XDH: variants seen among roughly 807,000 people sequenced by gnomAD.
The protein encoded by XDH is xanthine dehydrogenase/oxidase.
A neutral mutation model predicts 156.1 loss-of-function variants in XDH; 138 were observed. The observed-to-expected ratio is 0.88, with a 90% confidence interval of 0.77 to 1.02. XDH has a LOEUF of 1.02. Among genes scored for constraint, XDH ranks in the 50% least tolerant of loss-of-function variants. The pLI is 0.00. For synonymous variants in XDH, 669 were observed against 625.7 expected, an observed-to-expected ratio of 1.07 and a Z score of -1.03; for missense variants, 1,849 against 1,684.9, an observed-to-expected ratio of 1.10 and a Z score of -1.71.
At chr2:31,343,956 A>T (rs1455146955) in intron 31 of XDH, among the ~76,000 whole-genome samples, 2 of 152,010 alleles carry the variant, frequency 1.3e-5, no homozygotes, top group African/African-American at 4.8e-5. Context: ...ACATTGAATT[A>T]TTTTCCAAAT....
chr2:31,401,366 A>T, intron 3 of XDH, 38 bp from the exon 4 acceptor site: 1 of 1,607,326 alleles, frequency 6.2e-7, no homozygotes, highest in Non-Finnish European at 8.5e-7. Flanking sequence ...TTTATTGTCC[A>T]CTCAGATCAT....
chr2:31,345,058 T>C (rs1262651931), intron 30 of XDH, among the ~76,000 whole-genome samples: 4 of 152,174 alleles, frequency 2.6e-5, no homozygotes, highest in Admixed American at 6.5e-5. Context: ...GGCTCCTTAT[T>C]GCCTGTAGAG....
At chr2:31,375,210 CTCTA>C (rs1375276232) in intron 15 of XDH, among the ~76,000 whole-genome samples, 166 bp downstream of exon 15, 2 of 151,784 alleles carry the variant, frequency 1.3e-5, no homozygotes, top group Non-Finnish European at 2.9e-5. Flanking sequence ...AGCACTCTGC[CTCTA>C]AGCCAGCTGG....
At chr2:31,366,834 C>G (rs1685926646) in intron 21 of XDH, 36 bp downstream of exon 21, 1 of 1,613,378 alleles carries the variant, frequency 6.2e-7, no homozygotes, top group Non-Finnish European at 8.5e-7. Flanking sequence ...CCCCGCTACC[C>G]TGACAGCCCC....
Position 31,337,806 on chromosome 2 carries a change from C to G in XDH, c.3786G>C (p.Glu1262Asp). Residue 1262 changes from glutamate (E) to aspartate (D), a missense_variant, in exon 35 of 36, where the codon GAG becomes GAC. Transcript: ENST00000379416. ...KAIYASKAVG[E>D]PPLFLAASIF... is the part of the protein sequence containing the mutation. ...TAGAAGCAGCCAGGAAGAGGGGCGG[C>G]TCTCCAACAGCCTGAACACAGACAG... is the stretch of plus-strand genomic sequence containing the variant. 6.2e-7 allele frequency: 1 copy of G among 1,614,100 alleles called. No individual in the cohort carries two copies. Among genetic ancestry groups the G allele is most frequent in the Non-Finnish European group, 8.5e-7 (1 of 1,180,002 alleles).
Position 31,367,944 on chromosome 2 carries a change from G to T in XDH, c.2197+17C>A. On this transcript the variant is annotated intron_variant, in intron 20 of 35. Transcript: ENST00000379416. The stretch of plus-strand genomic sequence containing the variant: ...CCAGGGCCACCCCATTCCCACTGCG[G>T]CATGGAACAGCTCTACCTGACACAA... The T allele has an allele frequency of 1.2e-6, 2 of 1,613,284 alleles. No homozygotes were observed. Among genetic ancestry groups the T allele is most frequent in the South Asian group, 2.2e-5 (2 of 91,068 alleles).
At chr2:31,407,365 G>C (rs149729487) in intron 1 of XDH, among the ~76,000 whole-genome samples, 1 of 152,122 alleles carries the variant, frequency 6.6e-6, no homozygotes, top group African/African-American at 2.4e-5. Flanking sequence ...TGGAAGTGTC[G>C]CCTATGGATG....
rs761512482 is a variant in XDH at position 31,397,659 on chromosome 2, C to T, written c.495+9G>A. On this transcript the variant is annotated intron_variant, in intron 6 of 35. Coordinates refer to ENST00000379416, the MANE Select transcript of XDH (RefSeq NM_000379.4). The stretch of plus-strand genomic sequence containing the variant: ...GCAGAGACACTGATGTTCTGGGGTC[C>T]CCACTTACCCTGGCAAAGGTCCGGA... 4.3e-6 allele frequency: 7 copies of T among 1,614,026 alleles called. No individual in the cohort carries two copies. In the African/African-American group the frequency reaches 8.0e-5, roughly 18 times the overall value.
chr2:31,361,690 G>T (rs1206551071), intron 24 of XDH, among the ~76,000 whole-genome samples: 1 of 152,188 alleles, frequency 6.6e-6, no homozygotes, highest in Admixed American at 6.5e-5. Context: ...CAGAAGGCAG[G>T]TTGGCTTAAT....
chr2:31,346,872 C>G (rs753116968), intron 29 of XDH, 29 bp from the exon 30 acceptor site: 1 of 1,613,732 alleles, frequency 6.2e-7, no homozygotes, highest in Non-Finnish European at 8.5e-7. Context: ...ACACCCCAGA[C>G]ACATCAGTCC....
intron 24 of XDH, among the ~76,000 whole-genome samples, chr2:31,359,960 T>C (rs1400078165): frequency 6.6e-6 from 1 of 151,978 alleles, no homozygotes; most frequent in Admixed American, 6.6e-5. Context: ...GAGAAAATGG[T>C]AAGTGGAAAA....
chr2:31,410,288 G>A (rs1199437912), intron 1 of XDH, among the ~76,000 whole-genome samples: 2 of 152,152 alleles, frequency 1.3e-5, no homozygotes, highest in Non-Finnish European at 2.9e-5. Flanking sequence ...AGAAGTTATG[G>A]AGGTGGACGG....
intron 24 of XDH, among the ~76,000 whole-genome samples, chr2:31,360,432 C>T (rs1298100017): frequency 2.6e-5 from 4 of 152,070 alleles, no homozygotes; most frequent in African/African-American, 9.7e-5. Context: ...ACCCAGGAGG[C>T]GGAGGTTGCA....
chr2:31,364,578 G>C (rs943237890), intron 23 of XDH, among the ~76,000 whole-genome samples: 1 of 152,098 alleles, frequency 6.6e-6, no homozygotes, highest in Non-Finnish European at 1.5e-5. Flanking sequence ...GGGCGGGGGG[G>C]AAGCGCAGGG....
intron 13 of XDH, among the ~76,000 whole-genome samples, chr2:31,378,087 A>G (rs542320164): frequency 1.6e-4 from 8 of 49,416 alleles, no homozygotes; most frequent in African/African-American, 4.6e-4. Flanking sequence ...AGAAAGAAAG[A>G]AAGAAAGAAA....
At chr2:31,343,531 G>GAATAAGGCATATATATATGCCTTA (rs1553411733) in intron 31 of XDH, among the ~76,000 whole-genome samples, 1 of 119,794 alleles carries the variant, frequency 8.3e-6, no homozygotes. Flanking sequence ...ATACATATAT[G>GAATAAGGCATATATATATGCCTTA]TATAAGGCAT....
chr2:31,377,328 G>A, intron 13 of XDH, 91 bp from the exon 14 acceptor site: 4 of 1,437,254 alleles, frequency 2.8e-6, no homozygotes, highest in Non-Finnish European at 3.9e-6. Context: ...GAGGTGAGGT[G>A]AGGGGATAAC....
intron 1 of XDH, among the ~76,000 whole-genome samples, chr2:31,411,008 G>A (rs973557300): frequency 7.9e-5 from 12 of 152,168 alleles, no homozygotes; most frequent in Non-Finnish European, 1.8e-4. Flanking sequence ...ATTCTGGCCA[G>A]GCGCGGTGGC....
intron 18 of XDH, among the ~76,000 whole-genome samples, chr2:31,369,217 T>C (rs192283780): frequency 1.3e-5 from 2 of 152,266 alleles, no homozygotes; most frequent in East Asian, 3.9e-4. Context: ...AGACACGTAC[T>C]TACAAGACAT....
Sources: gnomAD v4.1 joint callset for allele counts (sites outside exome capture counted in the v4.1 genomes callset) on GRCh38, gnomAD v4.1.1 for gene constraint, MANE v1.5 for transcripts, NCBI Gene and HGNC (gene_info 2026-07-23, HGNC 2026-07-21) for gene names.